FBXL2: variants seen among roughly 807,000 people sequenced by gnomAD.
FBXL2 encodes F-box and leucine rich repeat protein 2, also known as F-box/LRR-repeat protein 2.
A neutral mutation model predicts 69.2 loss-of-function variants in FBXL2; 38 were observed. The observed-to-expected ratio is 0.55, with a 90% CI of 0.42 to 0.72. FBXL2 has a LOEUF of 0.72. Ranked by LOEUF, FBXL2 falls within the 30% of genes least tolerant of loss-of-function variation. The pLI is 0.00. For missense variants in FBXL2, 354 were observed against 520.3 expected (o/e 0.68, Z 3.11); for synonymous variants, 192 against 201.3 (o/e 0.95, Z 0.39).
intron 2 of FBXL2, among the ~76,000 whole-genome samples, chr3:33,298,661 C>T (rs1323899683): frequency 7.3e-6 from 1 of 136,838 alleles, no homozygotes; most frequent in Non-Finnish European, 1.5e-5. Flanking sequence ...GTGCTAACTG[C>T]ACTCTAGCCT....
downstream of FBXL2, chr3:33,388,635 AACGAGATAAACTC>A (rs1340382946): frequency 1.3e-5 from 2 of 152,262 alleles, no homozygotes; most frequent in African/African-American, 4.8e-5. Flanking sequence ...TTTTAAAACA[AACGAGATAAACTC>A]ACTTCTTTCC....
At chr3:33,394,035 AAGAC>A (rs766108181) in intron 12 of FBXL2, among the ~76,000 whole-genome samples, 5 of 150,842 alleles carry the variant, frequency 3.3e-5, no homozygotes, top group Admixed American at 6.6e-5. Flanking sequence ...TTATTTTTTT[AAGAC>A]AGTGTCCTTT....
the FBXL2 span, among the ~76,000 whole-genome samples, chr3:33,419,083 G>A: frequency 6.6e-6 from 1 of 152,146 alleles, no homozygotes; most frequent in South Asian, 2.1e-4. Context: ...TGCTGTATTA[G>A]ATGTAAAGTG....
intron 1 of FBXL2, among the ~76,000 whole-genome samples, chr3:33,285,804 T>C (rs1232536456): frequency 1.3e-5 from 2 of 152,334 alleles, no homozygotes; most frequent in South Asian, 4.1e-4. Context: ...CCATCACTGA[T>C]ACCCTTTCTT....
At chr3:33,303,245 T>A in intron 2 of FBXL2, 1 of 450,784 alleles carries the variant, frequency 2.2e-6, no homozygotes, top group Non-Finnish European at 4.5e-6. Flanking sequence ...AGAGTTTTTT[T>A]AGGTTGGTTT....
chr3:33,372,747 C>A, intron 5 of FBXL2: 1 of 373,724 alleles, frequency 2.7e-6, no homozygotes, highest in South Asian at 3.5e-5. Context: ...TTTTGTAGAG[C>A]GGAGGGAGCA....
At chr3:33,284,888 A>G (rs1366872485) in intron 1 of FBXL2, among the ~76,000 whole-genome samples, 5 of 151,544 alleles carry the variant, frequency 3.3e-5, no homozygotes, top group South Asian at 4.2e-4. Flanking sequence ...TTTGTTTTCC[A>G]TTTGCTTGGT....
the FBXL2 span, chr3:33,409,735 C>G: frequency 3.6e-6 from 4 of 1,119,496 alleles, no homozygotes; most frequent in Non-Finnish European, 5.1e-6. Flanking sequence ...ACATATTAGC[C>G]AAATTATCTA....
intron 2 of FBXL2, among the ~76,000 whole-genome samples, chr3:33,331,654 A>G (rs1441283190): frequency 1.3e-5 from 2 of 152,206 alleles, no homozygotes; most frequent in Non-Finnish European, 2.9e-5. Flanking sequence ...AATCAAATGT[A>G]AAACAACTTT....
rs149757930 is a variant in FBXL2 at position 33,349,595 on chromosome 3, G to C, written c.66-9372G>C. On this transcript the variant is annotated intron_variant, in intron 2 of 14. Transcript: ENST00000484457. ...TTGGTCTTGTCTGGTTCTGGTATCA[G>C]GGTAATACTGGCCTTGTAGAATGAG... Among the ~76,000 whole-genome samples, 542 of 152,258 alleles carry C rather than the reference G, an allele frequency of 3.6e-3. 3 individuals carry two copies. The highest frequency in any genetic ancestry group is 6.0e-3 in the Non-Finnish European group (409 of 67,992).
intron 2 of FBXL2, among the ~76,000 whole-genome samples, chr3:33,305,749 T>G (rs2036658912): frequency 6.6e-6 from 1 of 151,962 alleles, no homozygotes; most frequent in East Asian, 1.9e-4. Context: ...CAAGCTTTTT[T>G]TCTGTTTTTT....
downstream of FBXL2, chr3:33,392,653 C>A: frequency 6.4e-7 from 1 of 1,551,120 alleles, no homozygotes; most frequent in South Asian, 1.2e-5. Context: ...CAATTAAGAT[C>A]CAACTGTCGT....
intron 13 of FBXL2, chr3:33,378,978 G>C (rs2042828187): frequency 1.3e-6 from 1 of 743,540 alleles, no homozygotes; most frequent in African/African-American, 1.8e-5. Context: ...GGTTTTGTTG[G>C]GGAACTCTAC....
chr3:33,313,592 C>T (rs2037406737), intron 2 of FBXL2, among the ~76,000 whole-genome samples: 1 of 151,504 alleles, frequency 6.6e-6, no homozygotes, highest in African/African-American at 2.4e-5. Flanking sequence ...ACTACAGATA[C>T]ATGCCACCAT....
chr3:33,415,811 T>C, the FBXL2 span, among the ~76,000 whole-genome samples: 36 of 152,004 alleles, frequency 2.4e-4, no homozygotes, highest in Non-Finnish European at 1.0e-4. Context: ...GAAAGCACAT[T>C]GCTGAATATG....
chr3:33,290,431 TGGTCAGG>T (rs1212285118), intron 1 of FBXL2, among the ~76,000 whole-genome samples: 1 of 152,126 alleles, frequency 6.6e-6, no homozygotes, highest in African/African-American at 2.4e-5. Flanking sequence ...ATGTGATCCA[TGGTCAGG>T]GGAAGAAAGA....
the FBXL2 span, among the ~76,000 whole-genome samples, chr3:33,415,507 C>G: frequency 6.6e-6 from 1 of 152,136 alleles, no homozygotes; most frequent in Admixed American, 6.5e-5. Context: ...TATGAGAACT[C>G]ATGATATATA....
At chr3:33,399,493 C>T (rs2044139931) in intron 12 of FBXL2, among the ~76,000 whole-genome samples, 2 of 152,110 alleles carry the variant, frequency 1.3e-5, no homozygotes, top group South Asian at 4.1e-4. Flanking sequence ...AAGGATTAAA[C>T]TACTGATAAA....
At chr3:33,328,313 A>T (rs956960431) in intron 2 of FBXL2, among the ~76,000 whole-genome samples, 3 of 152,180 alleles carry the variant, frequency 2.0e-5, no homozygotes, top group African/African-American at 7.2e-5. Context: ...TTTCTATCAA[A>T]ATATCAATGA....
Sources: allele counts gnomAD v4.1 joint callset (sites outside exome capture counted in the v4.1 genomes callset), GRCh38; gene constraint gnomAD v4.1.1; transcripts MANE v1.5; gene names NCBI Gene and HGNC (gene_info 2026-07-23, HGNC 2026-07-21).